The following MYADM variants were observed in gnomAD, a reference collection of about 807,000 sequenced individuals.
MYADM encodes myeloid-associated differentiation marker.
For synonymous variants in MYADM, 224 were observed against 210.2 expected (o/e 1.07, Z -0.57); for missense variants, 416 against 443.4 (o/e 0.94, Z 0.56).
intron 2 of MYADM, among the ~76,000 whole-genome samples, chr19:53,871,638 T>C (rs1328477908): frequency 2.6e-5 from 4 of 151,970 alleles, no homozygotes; most frequent in South Asian, 2.1e-4. Flanking sequence ...GGAGCTCTTA[T>C]TAGATGTGGG....
At position 53,875,034 on chromosome 19, in the gene MYADM, T is replaced by C; in HGVS notation, c.*536T>C. ...CCTGTTTTGCAAGCACCTTCTCCTG[T>C]GTCCTTGGGAGCCCTGAGACTTCTT... On this transcript the variant is annotated 3_prime_UTR_variant, in exon 3 of 3. Transcript: ENST00000391770. The C allele has an allele frequency of 6.0e-6, 1 of 167,320 alleles. No homozygotes were observed. The allele number at this position is 167,320 out of a possible 1,614,324, so 10.4% of individuals were successfully genotyped here. A position where few individuals can be genotyped will look rare whatever the true frequency, so the allele number is the denominator to read the frequency against.
chr19:53,874,475 C>A lies in MYADM; in HGVS notation c.946C>A (p.His316Asn), dbSNP rs1164963257. 1.9e-6 allele frequency: 3 copies of A among 1,609,840 alleles called. No individual in the cohort carries two copies. Among genetic ancestry groups the A allele is most frequent in the Non-Finnish European group, 2.5e-6 (3 of 1,177,792 alleles). The change falls in exon 3 of 3, where the codon CAC becomes AAC. Residue 316 changes from histidine (H) to asparagine (N), a missense_variant. Transcript: ENST00000391770. ...TGTGGCTGACCTGGTGCACTCTGCC[C>A]ACCTGGTTTTTGTCAAGGTCTAAGA... is the stretch of plus-strand genomic sequence containing the variant. ...AYVADLVHSA[H>N]LVFVKV
chr19:53,868,324 C>T lies in MYADM; in HGVS notation c.-88+381C>T, dbSNP rs547955339. On this transcript the variant is annotated intron_variant, in intron 1 of 2. Transcript: ENST00000391770. The surrounding 1 kb of genome is among the most constrained non-coding windows in gnomAD (Gnocchi z 6.3). ...GAGTCTGAGGGAGGAGGGGCTGGGT[C>T]TGCGGGAGTAGAGAGATGGGGACTC... 5.9e-5 allele frequency among the ~76,000 whole-genome samples: 9 copies of T among 151,502 alleles called. No homozygotes were observed. The South Asian group carries it at 1.9e-3, about 32-fold the overall frequency.
rs1265798776 is a variant in MYADM at position 53,870,303 on chromosome 19, C to T, written c.-3+465C>T. Among the ~76,000 whole-genome samples, 143 of 100,390 alleles carry T rather than the reference C, an allele frequency of 1.4e-3. 2 individuals carry two copies. Among genetic ancestry groups the T allele is most frequent in the African/African-American group, 5.8e-3 (123 of 21,202 alleles). 65.9% of individuals were successfully genotyped at this position (100,390 alleles called of 152,430 possible). A position where few individuals can be genotyped will look rare whatever the true frequency, so the allele number is the denominator to read the frequency against. ...GGTCCGAGGGAGGAGGGGCTGGGGG[C>T]CTGGACTCCGGGGTCCGAGGGAGGA... On this transcript the variant is annotated intron_variant, in intron 2 of 2. Transcript: ENST00000391770.
At chr19:53,871,645 T>C (rs1359526988) in intron 2 of MYADM, among the ~76,000 whole-genome samples, 1 of 151,976 alleles carries the variant, frequency 6.6e-6, no homozygotes, top group African/African-American at 2.4e-5. Flanking sequence ...TTATTAGATG[T>C]GGGTCCCTGA....
At chr19:53,870,970 C>T (rs1202294684) in intron 2 of MYADM, among the ~76,000 whole-genome samples, 1 of 152,182 alleles carries the variant, frequency 6.6e-6, no homozygotes, top group Non-Finnish European at 1.5e-5. Flanking sequence ...GTGGCTCATG[C>T]CTGTAATCCC....
At position 53,873,438 on chromosome 19, in the gene MYADM, T is replaced by C; in HGVS notation, c.-2-90T>C. ...GGGAACTCCCTAATTAGAGCTCATA[T>C]TAATTTGTCCCTGGGGTAGGCAATG... On this transcript the variant is annotated intron_variant, in intron 2 of 2. Transcript: ENST00000391770. The surrounding 1 kb of genome is among the most constrained non-coding windows in gnomAD (Gnocchi z 4.3). 7.3e-7 allele frequency: 1 copy of C among 1,378,306 alleles called. No homozygotes were observed. Among genetic ancestry groups the C allele is most frequent in the South Asian group, 1.4e-5 (1 of 71,482 alleles). 85.4% of individuals were successfully genotyped at this position (1,378,306 alleles called of 1,614,324 possible).
In MYADM at chr19:53,873,656, C is replaced by T. The variant is rs767906461; in HGVS notation, c.127C>T (p.Gln43Ter). The part of the protein sequence containing the change: ...TQPLGLLRLL[Q>*]LVSTCVAFSL... ...GCCCCTGGGTCTCCTTCGCCTGCTG[C>T]AGCTGGTGTCTACCTGCGTGGCCTT... Residue 43 changes from glutamine to a stop codon, truncating the protein, a stop_gained, in exon 3 of 3, where the codon CAG becomes TAG. Coordinates refer to ENST00000391770, the MANE Select transcript of MYADM (RefSeq NM_138373.5). LOFTEE classifies it low-confidence loss of function (END_TRUNC). This position sits in a 1 kb window ranked among gnomAD's most constrained non-coding sequence, Gnocchi z 4.3. The T allele has an allele frequency of 6.2e-7, 1 of 1,614,198 alleles. No individual in the cohort carries two copies. Among genetic ancestry groups the T allele is most frequent in the Non-Finnish European group, 8.5e-7 (1 of 1,180,046 alleles).
rs1833714743 is a variant in MYADM at position 53,874,704 on chromosome 19, T to C, written c.*206T>C. ...TCTTCCTTCCCTTTCCTCTTGCTGTTTCCTTCCTGTGTTGTTTTGTTGCCC... is the reference window on the plus strand; with the variant it reads ...TCTTCCTTCCCTTTCCTCTTGCTGTCTCCTTCCTGTGTTGTTTTGTTGCCC... On this transcript the variant is annotated 3_prime_UTR_variant, in exon 3 of 3. Coordinates refer to ENST00000391770, the MANE Select transcript of MYADM (RefSeq NM_138373.5). 2 of 490,694 alleles carry C rather than the reference T, an allele frequency of 4.1e-6. No individual in the cohort carries two copies. Among genetic ancestry groups the C allele is most frequent in the Non-Finnish European group, 7.2e-6 (2 of 278,108 alleles). 30.4% of individuals were successfully genotyped at this position (490,694 alleles called of 1,614,324 possible).
In MYADM at chr19:53,874,171, C is replaced by A. The variant is rs758799496; in HGVS notation, c.642C>A (p.Phe214Leu). The change falls in exon 3 of 3, where the codon TTC (phenylalanine) becomes TTA (leucine). Residue 214 changes from phenylalanine (F) to leucine (L), a missense_variant. Physicochemically the swap from Phe to Leu is conservative, Grantham distance 22. Coordinates refer to ENST00000391770, the MANE Select transcript of MYADM (RefSeq NM_138373.5). ...EWCVAVYAIC[F>L]ILAAIAILLN... ...GCGTGGCGGTGTACGCCATCTGCTT[C>A]ATCCTAGCGGCCATCGCCATCCTGC... is the stretch of plus-strand genomic sequence containing the variant. The A allele has an allele frequency of 9.9e-6, 16 of 1,613,982 alleles. No homozygotes were observed. In the South Asian group the frequency reaches 1.4e-4, roughly 14 times the overall value.
In MYADM at chr19:53,874,315, G is replaced by T. The variant is rs372797400; in HGVS notation, c.786G>T (p.Gln262His). The T allele has an allele frequency of 6.2e-7, 1 of 1,612,088 alleles. No homozygotes were observed. The change falls in exon 3 of 3, where the codon CAG becomes CAT. Residue 262 changes from glutamine (Q) to histidine (H), a missense_variant. Transcript: ENST00000391770. ...ATALVLWPLY[Q>H]FDEKYGGQPR... ...CCCTTGTTCTCTGGCCCCTCTACCA[G>T]TTCGATGAGAAGTATGGCGGCCAGC...
upstream of MYADM, chr19:53,865,733 G>C (rs897936600): frequency 6.6e-6 from 1 of 152,238 alleles, no homozygotes; most frequent in African/African-American, 2.4e-5. Flanking sequence ...AACACAGTAA[G>C]TTGTGTAAGT....
chr19:53,867,630 T>C (rs963073852), upstream of MYADM, among the ~76,000 whole-genome samples: 2 of 152,076 alleles, frequency 1.3e-5, no homozygotes, highest in Non-Finnish European at 1.5e-5. Flanking sequence ...AGCTGTTGTG[T>C]CTTCCTGTTT....
Position 53,873,508 on chromosome 19 carries a change from T to C in MYADM, c.-2-20T>C. 1 of 1,579,420 alleles carries C rather than the reference T, an allele frequency of 6.3e-7. No homozygotes were observed. Among genetic ancestry groups the C allele is most frequent in the Non-Finnish European group, 8.6e-7 (1 of 1,161,774 alleles). ...TATGTTTGTGACTGTATAAGGACAC[T>C]GTCTTTCCCCTTTTTGCAGCCATGC... On this transcript the variant is annotated intron_variant, in intron 2 of 2. Transcript: ENST00000391770. This position sits in a 1 kb window ranked among gnomAD's most constrained non-coding sequence, Gnocchi z 4.3.
chr19:53,874,486 T>C lies in MYADM; in HGVS notation c.957T>C (p.Phe319=). Residue 319 remains phenylalanine (F), a synonymous_variant, in exon 3 of 3, where the codon TTT becomes TTC. Coordinates refer to ENST00000391770, the MANE Select transcript of MYADM (RefSeq NM_138373.5). The part of the protein sequence containing the change: ...ADLVHSAHLV[F]VKV ...TGGTGCACTCTGCCCACCTGGTTTTTGTCAAGGTCTAAGACTCTCCCAAGA... is the reference window on the plus strand; with the variant it reads ...TGGTGCACTCTGCCCACCTGGTTTTCGTCAAGGTCTAAGACTCTCCCAAGA... The C allele has an allele frequency of 6.2e-7, 1 of 1,608,354 alleles. No homozygotes were observed. Among genetic ancestry groups the C allele is most frequent in the South Asian group, 1.1e-5 (1 of 90,582 alleles).
In MYADM at chr19:53,873,326, T is replaced by C. The variant is rs951610493; in HGVS notation, c.-2-202T>C. On this transcript the variant is annotated intron_variant, in intron 2 of 2. Transcript: ENST00000391770. This position sits in a 1 kb window ranked among gnomAD's most constrained non-coding sequence, Gnocchi z 4.3. ...AGCAGAGGTTGTAGTGAGCTGAGATTGTGCCAATGCACTCCAGCCTGGGCC... is the reference window on the plus strand; with the variant it reads ...AGCAGAGGTTGTAGTGAGCTGAGATCGTGCCAATGCACTCCAGCCTGGGCC... 1.3e-5 allele frequency among the ~76,000 whole-genome samples: 2 copies of C among 151,536 alleles called. No individual in the cohort carries two copies. The highest frequency in any genetic ancestry group is 4.9e-5 in the African/African-American group (2 of 41,142).
At chr19:53,867,029 G>C (rs1189369172), upstream of MYADM, among the ~76,000 whole-genome samples, 1 of 152,018 alleles carries the variant, frequency 6.6e-6, no homozygotes, top group Non-Finnish European at 1.5e-5. Flanking sequence ...CCAGGAATCC[G>C]GGCCCCCAAC....
upstream of MYADM, chr19:53,866,319 C>T (rs1221541205): frequency 6.6e-6 from 1 of 152,006 alleles, no homozygotes; most frequent in African/African-American, 2.4e-5. The surrounding 1 kb of genome is among the most constrained non-coding windows in gnomAD (Gnocchi z 4.3). Context: ...GCCAGACGCG[C>T]CCCGTTAGCT....
rs747781975 is a variant in MYADM, at chr19:53,874,279, C to T, written c.750C>T (p.Leu250=). The T allele has an allele frequency of 1.2e-6, 2 of 1,609,562 alleles. No individual in the cohort carries two copies. The highest frequency in any genetic ancestry group is 1.3e-5 in the African/African-American group (1 of 75,034). The change falls in exon 3 of 3, where the codon CTC becomes CTT. Residue 250 remains leucine, a synonymous_variant. Coordinates refer to ENST00000391770, the MANE Select transcript of MYADM (RefSeq NM_138373.5). ...LSGLALLSVL[L]YATALVLWPL... ...GGCTGGCCTTGCTGTCTGTCCTCCT[C>T]TATGCCACCGCCCTTGTTCTCTGGC...
Sources: allele counts gnomAD v4.1 joint callset (sites outside exome capture counted in the v4.1 genomes callset), GRCh38; gene constraint gnomAD v4.1.1; non-coding constraint Gnocchi (gnomAD v3.1); transcripts MANE v1.5; gene names NCBI Gene and HGNC (gene_info 2026-07-23, HGNC 2026-07-21).